GLIS3: variants seen among roughly 807,000 people sequenced by gnomAD.
GLIS3 encodes GLIS family zinc finger 3, also known as zinc finger protein GLIS3.
Under a neutral mutation model 78.6 loss-of-function variants are expected in GLIS3, and 53 were observed. The observed-to-expected ratio is 0.67, with a 90% confidence interval of 0.54 to 0.85. The LOEUF (loss-of-function observed/expected upper bound fraction) is 0.85, where lower values mean the gene tolerates loss of function less well. Among genes scored for constraint, GLIS3 ranks in the 40% least tolerant of loss-of-function variants. The probability of loss-of-function intolerance (pLI) is 0.00; values close to 1 mark genes in which losing one functional copy is unlikely to be tolerated. For missense variants in GLIS3, 1,703 were observed against 1,231.1 expected, an observed-to-expected ratio of 1.38 and a Z score of -5.74; for synonymous variants, 684 against 509.9, an observed-to-expected ratio of 1.34 and a Z score of -4.60.
At chr9:3,891,415 A>G (rs1563818359) in intron 7 of GLIS3, among the ~76,000 whole-genome samples, 1 of 152,222 alleles carries the variant, frequency 6.6e-6, no homozygotes, top group Non-Finnish European at 1.5e-5. Context: ...TAATTTAAGA[A>G]AAAAGAGCCG....
intron 2 of GLIS3, among the ~76,000 whole-genome samples, chr9:4,335,340 A>C (rs1817742037): frequency 6.6e-6 from 1 of 152,232 alleles, no homozygotes; most frequent in Non-Finnish European, 1.5e-5. Flanking sequence ...TTAACCTGTG[A>C]AATTGATCAA....
intron 2 of GLIS3, among the ~76,000 whole-genome samples, chr9:4,176,364 T>C (rs1816814661): frequency 6.6e-6 from 1 of 152,232 alleles, no homozygotes; most frequent in Admixed American, 6.5e-5. Context: ...TCTCCACCTA[T>C]ACATGTTTGG....
At chr9:4,056,016 A>G (rs1826127325) in intron 4 of GLIS3, among the ~76,000 whole-genome samples, 1 of 152,170 alleles carries the variant, frequency 6.6e-6, no homozygotes, top group Non-Finnish European at 1.5e-5. Flanking sequence ...GACTGATAGG[A>G]TGATCATGCG....
At chr9:4,162,599 C>G (rs910105984) in intron 2 of GLIS3, among the ~76,000 whole-genome samples, 1 of 152,098 alleles carries the variant, frequency 6.6e-6, no homozygotes, top group Non-Finnish European at 1.5e-5. Context: ...GTGGCTCACG[C>G]CTGTAATCCC....
chr9:4,268,999 T>A (rs180770000), intron 2 of GLIS3, among the ~76,000 whole-genome samples: 1 of 152,230 alleles, frequency 6.6e-6, no homozygotes, highest in Non-Finnish European at 1.5e-5. Context: ...AAATTCTCTA[T>A]GTTAAAAATA....
intron 2 of GLIS3, among the ~76,000 whole-genome samples, chr9:4,224,382 A>G (rs1821585326): frequency 6.6e-6 from 1 of 152,226 alleles, no homozygotes; most frequent in Non-Finnish European, 1.5e-5. Flanking sequence ...GACAGCTTCC[A>G]AAGGTGTATG....
the GLIS3 span, among the ~76,000 whole-genome samples, chr9:4,373,763 G>T: frequency 2.6e-5 from 4 of 151,838 alleles, no homozygotes; most frequent in East Asian, 3.9e-4. Context: ...CACCTCCTGG[G>T]TTCAAGCAAT....
chr9:4,329,400 G>A (rs2065764621), intron 2 of GLIS3, among the ~76,000 whole-genome samples: 2 of 151,734 alleles, frequency 1.3e-5, no homozygotes, highest in Admixed American at 1.3e-4. Context: ...ATTGACAACT[G>A]AAAAAAAAGA....
At chr9:4,083,329 C>T (rs1828717661) in intron 4 of GLIS3, among the ~76,000 whole-genome samples, 1 of 152,122 alleles carries the variant, frequency 6.6e-6, no homozygotes, top group South Asian at 2.1e-4. Flanking sequence ...AATCAATACC[C>T]TACTCTTTTC....
intron 1 of GLIS3, among the ~76,000 whole-genome samples, chr9:4,295,051 G>T (rs1309371310): frequency 2.0e-5 from 3 of 152,142 alleles, no homozygotes; most frequent in African/African-American, 4.8e-5. Context: ...GGAAAAAGTG[G>T]CACAGAAATT....
Position 3,935,453 on chromosome 9 carries a change from C to G in GLIS3, c.1872+1575G>C, listed in dbSNP as rs545118366. On this transcript the variant is annotated intron_variant, in intron 5 of 10. Transcript: ENST00000381971. ...TTTTAAAAAGATATATATTTTTATT[C>G]CAAAATGATTTCTGAAAATGCTCTT... Among the ~76,000 whole-genome samples, 3 of 152,166 alleles carry G rather than the reference C, an allele frequency of 2.0e-5. No individual in the cohort carries two copies. In the East Asian group the frequency reaches 5.8e-4, roughly 29 times the overall value.
At chr9:4,470,309 A>G in the GLIS3 span, among the ~76,000 whole-genome samples, 1 of 152,166 alleles carries the variant, frequency 6.6e-6, no homozygotes, top group African/African-American at 2.4e-5. Context: ...AAAGAAAGAT[A>G]ATTTTAGGCC....
rs575097405 is a variant in GLIS3 at position 3,835,985 on chromosome 9, ATTTTC to A, written c.2474-6498_2474-6494del. 1.6e-4 allele frequency among the ~76,000 whole-genome samples: 24 copies of A among 152,306 alleles called. No individual in the cohort carries two copies. In the East Asian group the frequency reaches 4.6e-3, roughly 29 times the overall value. The stretch of plus-strand genomic sequence containing the variant: ...TTCATACTACATATGACAATAGAAA[ATTTTC>A]TTTACGGGATACATAGAGATGTAAT... On this transcript the variant is annotated intron_variant, in intron 9 of 10. Transcript: ENST00000381971.
At chr9:4,168,691 G>C (rs1816101192) in intron 2 of GLIS3, among the ~76,000 whole-genome samples, 1 of 152,180 alleles carries the variant, frequency 6.6e-6, no homozygotes, top group Non-Finnish European at 1.5e-5. Flanking sequence ...TTTTATGAGT[G>C]TTGTAACTGT....
chr9:4,041,114 C>G (rs1012284275), intron 4 of GLIS3, among the ~76,000 whole-genome samples: 4 of 152,180 alleles, frequency 2.6e-5, no homozygotes, highest in Non-Finnish European at 4.4e-5. Context: ...TTGGCCATGT[C>G]CAGTAGTGAC....
rs962336770 is a variant in GLIS3 at position 3,978,394 on chromosome 9, C to A, written c.1711-41205G>T. ...ACTTTGATGGGAATATGTGTGTACACTTTTCTTTAAAAAATAAAACCATTC... is the reference window on the plus strand; with the variant it reads ...ACTTTGATGGGAATATGTGTGTACAATTTTCTTTAAAAAATAAAACCATTC... On this transcript the variant is annotated intron_variant, in intron 4 of 10. Transcript: ENST00000381971. Among the ~76,000 whole-genome samples, 27 of 152,062 alleles carry A rather than the reference C, an allele frequency of 1.8e-4. 1 individual carries two copies. The highest frequency in any genetic ancestry group is 1.6e-3 in the Admixed American group (24 of 15,272).
chr9:3,857,147 C>G (rs762935184), intron 8 of GLIS3, among the ~76,000 whole-genome samples: 2 of 152,156 alleles, frequency 1.3e-5, no homozygotes, highest in Non-Finnish European at 2.9e-5. Flanking sequence ...GAGAAAGGAG[C>G]AGGAAGTCTG....
At chr9:4,215,491 G>T (rs1587002957) in intron 2 of GLIS3, among the ~76,000 whole-genome samples, 1 of 152,242 alleles carries the variant, frequency 6.6e-6, no homozygotes, top group Non-Finnish European at 1.5e-5. Flanking sequence ...AAAAAAATCT[G>T]TTTGGTCTTA....
intron 2 of GLIS3, among the ~76,000 whole-genome samples, chr9:4,334,258 C>T (rs1817722717): frequency 6.6e-6 from 1 of 152,156 alleles, no homozygotes; most frequent in African/African-American, 2.4e-5. Context: ...AATCTGTTTC[C>T]CAAGGAGCTT....
Sources: allele counts gnomAD v4.1 joint callset (sites outside exome capture counted in the v4.1 genomes callset), GRCh38; gene constraint gnomAD v4.1.1; transcripts MANE v1.5; gene names NCBI Gene and HGNC (gene_info 2026-07-23, HGNC 2026-07-21).